The following UBAP2L variants were observed in gnomAD, a reference collection of about 807,000 sequenced individuals.
UBAP2L encodes ubiquitin-associated protein 2-like.
UBAP2L carries 12 observed loss-of-function variants against 130.6 expected under a neutral mutation model. That is an observed-to-expected ratio of 0.09 (90% CI 0.06 to 0.15). The LOEUF is 0.15. Among genes scored for constraint, UBAP2L ranks in the 10% least tolerant of loss-of-function variants. The pLI, the probability that UBAP2L is intolerant of heterozygous loss-of-function variation, is 1.00. For synonymous variants in UBAP2L, 503 were observed against 524.7 expected, an observed-to-expected ratio of 0.96 and a Z score of 0.57; for missense variants, 965 against 1,332.5, an observed-to-expected ratio of 0.72 and a Z score of 4.29.
intron 26 of UBAP2L, chr1:154,269,183 TG>T: frequency 1.2e-6 from 1 of 820,948 alleles, no homozygotes; most frequent in Non-Finnish European, 1.9e-6. Flanking sequence ...CCAATTCCTT[TG>T]GTGCCCTTCT....
intron 11 of UBAP2L, among the ~76,000 whole-genome samples, 156 bp downstream of exon 11, chr1:154,246,531 TA>T (rs1484895491): frequency 1.3e-5 from 2 of 152,168 alleles, no homozygotes; most frequent in East Asian, 3.8e-4. Context: ...AGTTGGGTAA[TA>T]GGGGGTAGCT....
At position 154,255,534 on chromosome 1, in the gene UBAP2L, C is replaced by T. The variant is rs1679338880; in HGVS notation, c.2085-149C>T. The T allele has an allele frequency of 8.1e-6, 9 of 1,109,038 alleles. No individual in the cohort carries two copies. In the East Asian group the frequency reaches 9.4e-5, roughly 12 times the overall value. The allele number at this position is 1,109,038 out of a possible 1,614,324, so 68.7% of individuals were successfully genotyped here. On this transcript the variant is annotated intron_variant, in intron 17 of 26. Coordinates refer to ENST00000428931, the MANE Select transcript of UBAP2L (RefSeq NM_014847.4). ...CCACTTTTGCTTTAACTGCTCTCTA[C>T]CCCTGGCTGGCCATTGTGCTTAACA...
chr1:154,266,657 A>C, intron 25 of UBAP2L, 89 bp downstream of exon 25: 1 of 1,396,888 alleles, frequency 7.2e-7, no homozygotes, highest in Non-Finnish European at 1.0e-6. Context: ...GGACAAGAAG[A>C]ACCCTAGGAG....
At chr1:154,266,710 T>C in intron 25 of UBAP2L, 142 bp downstream of exon 25, 6 of 813,738 alleles carry the variant, frequency 7.4e-6, no homozygotes, top group Non-Finnish European at 1.2e-5. Flanking sequence ...ATGAAAGGTC[T>C]TCTCTAGACT....
intron 10 of UBAP2L, 135 bp downstream of exon 10, chr1:154,243,437 C>T: frequency 4.6e-6 from 3 of 658,142 alleles, no homozygotes; most frequent in Non-Finnish European, 7.3e-6. Flanking sequence ...TCATTACATT[C>T]CTCTTAAGTT....
At chr1:154,243,484 A>G (rs1364131604) in intron 10 of UBAP2L, among the ~76,000 whole-genome samples, 182 bp downstream of exon 10, 2 of 150,620 alleles carry the variant, frequency 1.3e-5, no homozygotes, top group African/African-American at 4.9e-5. Flanking sequence ...TTTTTGAGAC[A>G]GAGTCTCACT....
At chr1:154,242,955 A>G in intron 9 of UBAP2L, 1 of 227,272 alleles carries the variant, frequency 4.4e-6, no homozygotes, top group South Asian at 1.4e-4. Context: ...TATGTCTAGC[A>G]TGCCTGTAAG....
At chr1:154,239,978 T>C (rs1210290679) in intron 8 of UBAP2L, among the ~76,000 whole-genome samples, 1 of 152,224 alleles carries the variant, frequency 6.6e-6, no homozygotes. Flanking sequence ...AATGAATATA[T>C]TTTCCTCTAA....
intron 9 of UBAP2L, among the ~76,000 whole-genome samples, chr1:154,242,007 G>A (rs1409480630): frequency 1.3e-5 from 2 of 152,218 alleles, no homozygotes; most frequent in Non-Finnish European, 2.9e-5. Context: ...CCTCAAACTT[G>A]TAATCTGGTT....
chr1:154,226,550 G>A (rs1667996084), intron 2 of UBAP2L, among the ~76,000 whole-genome samples: 1 of 152,136 alleles, frequency 6.6e-6, no homozygotes, highest in Non-Finnish European at 1.5e-5. Context: ...AAAATTCCTA[G>A]TATCTGAACA....
At chr1:154,221,118 C>G (rs1215411251) in intron 1 of UBAP2L, 143 bp downstream of exon 1, 1 of 156,470 alleles carries the variant, frequency 6.4e-6, no homozygotes, top group Non-Finnish European at 1.4e-5. Context: ...GCCGTATCCC[C>G]TCCCTCGGTA....
In UBAP2L at chr1:154,255,332, T is replaced by G; in HGVS notation, c.2084+6T>G. ...ACCACCACACAACACAGCAGGTGATTTGGGGTGAGGATGGAGGTTGGGGTT... is the reference window on the plus strand; with the variant it reads ...ACCACCACACAACACAGCAGGTGATGTGGGGTGAGGATGGAGGTTGGGGTT... On this transcript the variant is annotated splice_donor_region_variant and intron_variant, in intron 17 of 26. Coordinates refer to ENST00000428931, the MANE Select transcript of UBAP2L (RefSeq NM_014847.4). The G allele has an allele frequency of 6.2e-7, 1 of 1,613,354 alleles. No individual in the cohort carries two copies. The highest frequency in any genetic ancestry group is 8.5e-7 in the Non-Finnish European group (1 of 1,179,664).
rs140127622 is a variant in UBAP2L at position 154,255,885 on chromosome 1, G to GA, written c.2157+134dup. On this transcript the variant is annotated intron_variant, in intron 18 of 26. Coordinates refer to ENST00000428931, the MANE Select transcript of UBAP2L (RefSeq NM_014847.4). ...CAAAATAATTGATTTGAGGTTGCAG[G>GA]AAAAGGAGTAAAGGGATGTTAGGAA... The GA allele has an allele frequency of 1.6e-3, 1,769 of 1,108,200 alleles. 23 individuals carry two copies. In the African/African-American group the frequency reaches 0.024, roughly 15 times the overall value. 68.6% of individuals were successfully genotyped at this position (1,108,200 alleles called of 1,614,324 possible).
At chr1:154,239,165 A>C (rs1672662773) in intron 8 of UBAP2L, among the ~76,000 whole-genome samples, 1 of 151,846 alleles carries the variant, frequency 6.6e-6, no homozygotes, top group African/African-American at 2.4e-5. Flanking sequence ...AAATATCCAC[A>C]GGTACAATGG....
chr1:154,238,519 T>C (rs1672411830), intron 8 of UBAP2L, among the ~76,000 whole-genome samples: 1 of 152,230 alleles, frequency 6.6e-6, no homozygotes, highest in Non-Finnish European at 1.5e-5. Flanking sequence ...AGGCATGGGG[T>C]CCCAGTCCTT....
chr1:154,259,682 G>T, intron 21 of UBAP2L: 1 of 566,948 alleles, frequency 1.8e-6, no homozygotes, highest in Non-Finnish European at 3.2e-6. Flanking sequence ...GACACCTAGA[G>T]GGTTGAAAAT....
At chr1:154,230,476 G>A (rs184686957) in intron 4 of UBAP2L, among the ~76,000 whole-genome samples, 3 of 152,292 alleles carry the variant, frequency 2.0e-5, no homozygotes, top group Non-Finnish European at 2.9e-5. Flanking sequence ...ATTTTACACT[G>A]TTGACCTTAT....
Position 154,254,049 on chromosome 1 carries a change from C to T in UBAP2L, c.1814C>T (p.Ser605Phe). The change falls in exon 15 of 27, where the codon TCC (serine) becomes TTC (phenylalanine). Residue 605 changes from serine (S) to phenylalanine (F), a missense_variant. By Grantham distance (155) the Ser-to-Phe change is radical. Around this residue, in one of 9 missense-constraint regions of UBAP2L, gnomAD observed 393 missense variants for 408.1 expected, o/e 0.96. Coordinates refer to ENST00000428931, the MANE Select transcript of UBAP2L (RefSeq NM_014847.4). ...ACACAGACTCGGCGGTACCCCAGCT[C>T]CATCTCTTCATCACCCCAAAAGGAC... ...RSTQTRRYPS[S>F]ISSSPQKDLT... 1 of 1,600,866 alleles carries T rather than the reference C, an allele frequency of 6.2e-7. No individual in the cohort carries two copies. The highest frequency in any genetic ancestry group is 8.5e-7 in the Non-Finnish European group (1 of 1,174,616).
upstream of UBAP2L, chr1:154,220,445 C>A (rs778576651): frequency 6.2e-7 from 1 of 1,613,238 alleles, no homozygotes; most frequent in Non-Finnish European, 8.5e-7. Flanking sequence ...CGGGTTTACC[C>A]CGCTGTCCTG....
Sources: allele counts gnomAD v4.1 joint callset (sites outside exome capture counted in the v4.1 genomes callset), GRCh38; gene constraint gnomAD v4.1.1; regional missense constraint gnomAD v4.1.1; transcripts MANE v1.5; gene names NCBI Gene and HGNC (gene_info 2026-07-23, HGNC 2026-07-21).